Variants in SHANK2 observed in about 807,000 individuals in gnomAD.
The protein encoded by SHANK2 is SH3 and multiple ankyrin repeat domains protein 2.
A neutral mutation model predicts 133.7 loss-of-function variants in SHANK2; 43 were observed. The observed-to-expected ratio is 0.32, with a 90% CI of 0.25 to 0.41. The LOEUF (loss-of-function observed/expected upper bound fraction) is 0.41. Ranked by LOEUF, SHANK2 falls within the 10% of genes least tolerant of loss-of-function variation. The pLI, the probability that SHANK2 is intolerant of heterozygous loss-of-function variation, is 1.00. For synonymous variants in SHANK2, 1,017 were observed against 952.8 expected (o/e 1.07, Z -1.24); for missense variants, 1,994 against 2,235.8 (o/e 0.89, Z 2.18).
At chr11:70,558,693 A>C (rs2059864861) in intron 17 of SHANK2, among the ~76,000 whole-genome samples, 1 of 98,066 alleles carries the variant, frequency 1.0e-5, no homozygotes, top group African/African-American at 3.5e-5. Flanking sequence ...GCCAGATTCT[A>C]CACTTGGGCA....
chr11:70,582,490 T>C (rs938111135), intron 17 of SHANK2, among the ~76,000 whole-genome samples: 1 of 152,200 alleles, frequency 6.6e-6, no homozygotes, highest in African/African-American at 2.4e-5. Flanking sequence ...GAGCTCCCTA[T>C]AGAGGCGGCA....
In SHANK2 at chr11:70,739,396, C is replaced by T. The variant is rs371370523; in HGVS notation, c.1778-40633G>A. Among the ~76,000 whole-genome samples, 6 of 152,186 alleles carry T rather than the reference C, an allele frequency of 3.9e-5. No individual in the cohort carries two copies. The highest frequency in any genetic ancestry group is 1.2e-4 in the African/African-American group (5 of 41,440). On this transcript the variant is annotated intron_variant, in intron 14 of 25. Coordinates refer to ENST00000601538, the MANE Select transcript of SHANK2 (RefSeq NM_012309.5). This position sits in a 1 kb window ranked among gnomAD's most constrained non-coding sequence, Gnocchi z 4.3. Reference sequence around the variant, plus strand: ...AGACAATCGTGTGGAGCAGCTGCTGCGGTGAGGCCAGGCACAGACTCCAGC... The same window carrying T: ...AGACAATCGTGTGGAGCAGCTGCTGTGGTGAGGCCAGGCACAGACTCCAGC...
chr11:71,135,127 C>T (rs1276699144), intron 3 of SHANK2, among the ~76,000 whole-genome samples: 1 of 152,090 alleles, frequency 6.6e-6, no homozygotes, highest in Non-Finnish European at 1.5e-5. Context: ...CCCTGAAGAC[C>T]CTCACCCTAG....
chr11:71,187,400 A>G (rs1191685242), intron 2 of SHANK2, among the ~76,000 whole-genome samples: 3 of 151,546 alleles, frequency 2.0e-5, no homozygotes, highest in African/African-American at 7.3e-5. Context: ...ACAGTTTTTC[A>G]TGGGTTTCTC....
chr11:70,954,427 C>T (rs1950887666), intron 10 of SHANK2, among the ~76,000 whole-genome samples: 2 of 152,358 alleles, frequency 1.3e-5, no homozygotes, highest in Middle Eastern at 6.8e-3. Context: ...CTGGCAGCCA[C>T]TACCATGCGT....
At chr11:70,890,118 A>G (rs782094847) in intron 11 of SHANK2, among the ~76,000 whole-genome samples, 8 of 152,166 alleles carry the variant, frequency 5.3e-5, no homozygotes, top group Non-Finnish European at 8.8e-5. Flanking sequence ...ATTATCTTCC[A>G]TGGTCATCCC....
At chr11:71,098,307 A>C (rs1951662718) in intron 6 of SHANK2, among the ~76,000 whole-genome samples, 1 of 150,940 alleles carries the variant, frequency 6.6e-6, no homozygotes, top group Non-Finnish European at 1.5e-5. Context: ...CTCTGTGTGC[A>C]TGTGTGCACA....
At chr11:70,722,934 AC>A (rs1946100427) in intron 14 of SHANK2, among the ~76,000 whole-genome samples, 1 of 152,228 alleles carries the variant, frequency 6.6e-6, no homozygotes. Flanking sequence ...TTCAAAAGAA[AC>A]CTACTTTGTT....
intron 15 of SHANK2, among the ~76,000 whole-genome samples, chr11:70,690,433 A>C (rs1185281516): frequency 6.8e-6 from 1 of 146,798 alleles, no homozygotes; most frequent in African/African-American, 2.5e-5. Context: ...GTCTGTAAAG[A>C]GGAATTGGAA....
chr11:70,703,984 C>T (rs868982148), intron 14 of SHANK2, among the ~76,000 whole-genome samples: 2 of 152,206 alleles, frequency 1.3e-5, no homozygotes, highest in African/African-American at 4.8e-5. Flanking sequence ...CAGTGAGTGA[C>T]GGGCTCAGGG....
chr11:71,097,676 C>T (rs1951642688), intron 6 of SHANK2, among the ~76,000 whole-genome samples: 1 of 152,096 alleles, frequency 6.6e-6, no homozygotes, highest in Non-Finnish European at 1.5e-5. Flanking sequence ...AGCGGGGGCT[C>T]CCGGAAGCGC....
At chr11:70,552,937 C>T (rs1195290940) in intron 17 of SHANK2, among the ~76,000 whole-genome samples, 1 of 152,114 alleles carries the variant, frequency 6.6e-6, no homozygotes, top group Non-Finnish European at 1.5e-5. Flanking sequence ...CGTATCTCAG[C>T]GTTGGCTCCT....
In SHANK2 at chr11:70,485,552, C is replaced by A. The variant is rs782327395; in HGVS notation, c.4741G>T (p.Ala1581Ser). Residue 1581 changes from alanine (A) to serine (S), a missense_variant, in exon 25 of 26, where the codon GCT becomes TCT. Physicochemically the swap from Ala to Ser is moderately conservative, Grantham distance 99 (BLOSUM62 1). Transcript: ENST00000601538. The surrounding 1 kb of genome is among the most constrained non-coding windows in gnomAD (Gnocchi z 5.8). ...GCACTGCCCGGCGGGGGCGGGGGAG[C>A]GGGCGGGGGGATAACAAAGCTATCT... is the stretch of plus-strand genomic sequence containing the variant. ...DVDSFVIPPP[A>S]PPPPPGSAQP... is the part of the protein sequence containing the mutation. 2 of 1,612,282 alleles carry A rather than the reference C, an allele frequency of 1.2e-6. No homozygotes were observed. The highest frequency in any genetic ancestry group is 3.3e-5 in the Admixed American group (2 of 59,994).
At chr11:70,778,423 T>G (rs1947410960) in intron 14 of SHANK2, among the ~76,000 whole-genome samples, 1 of 152,164 alleles carries the variant, frequency 6.6e-6, no homozygotes, top group Non-Finnish European at 1.5e-5. Context: ...ATAGACTAAA[T>G]GTGTGTGTCC....
intron 10 of SHANK2, among the ~76,000 whole-genome samples, chr11:70,939,715 G>A (rs971145437): frequency 5.3e-5 from 8 of 152,164 alleles, no homozygotes; most frequent in East Asian, 3.9e-4. Flanking sequence ...GAAAGGCCCC[G>A]TCCTACCCGC....
intron 17 of SHANK2, among the ~76,000 whole-genome samples, chr11:70,607,401 C>A (rs1591641845): frequency 1.3e-5 from 2 of 152,316 alleles, no homozygotes; most frequent in African/African-American, 4.8e-5. Context: ...GCTCCCCAAC[C>A]AAGTACATGC....
rs2060025131 is a variant in SHANK2 at position 70,569,975 on chromosome 11, A to G, written c.2062-67044T>C. Among the ~76,000 whole-genome samples the G allele has an allele frequency of 6.6e-6, 1 of 151,994 alleles. No homozygotes were observed. Among genetic ancestry groups the G allele is most frequent in the South Asian group, 2.1e-4 (1 of 4,808 alleles). On this transcript the variant is annotated intron_variant, in intron 17 of 25. Transcript: ENST00000601538. The surrounding 1 kb of genome is among the most constrained non-coding windows in gnomAD (Gnocchi z 5.1). ...AGAGAAGGGAGTGAGAGACAGAGAC[A>G]GGCCCCCAGCACCATTGTGGACTCC...
intron 17 of SHANK2, among the ~76,000 whole-genome samples, chr11:70,653,296 A>T (rs1442486382): frequency 6.6e-6 from 1 of 152,084 alleles, no homozygotes; most frequent in Admixed American, 6.6e-5. Context: ...CTTTCCTCCA[A>T]GTAATATTTA....
At chr11:70,719,745 C>T (rs1555028524) in intron 14 of SHANK2, among the ~76,000 whole-genome samples, 1 of 151,374 alleles carries the variant, frequency 6.6e-6, no homozygotes, top group East Asian at 1.9e-4. Context: ...CACAACAGCC[C>T]CGCGCTCCCC....
Sources: allele counts gnomAD v4.1 joint callset (sites outside exome capture counted in the v4.1 genomes callset), GRCh38; gene constraint gnomAD v4.1.1; non-coding constraint Gnocchi (gnomAD v3.1); transcripts MANE v1.5; gene names NCBI Gene and HGNC (gene_info 2026-07-23, HGNC 2026-07-21).